ATP8A2: variants seen among roughly 807,000 people sequenced by gnomAD.
ATP8A2 encodes phospholipid-transporting ATPase IB.
Under a neutral mutation model 165.6 loss-of-function variants are expected in ATP8A2, and 100 were observed. The ratio of observed to expected loss-of-function variants is 0.60; its 90% confidence interval spans 0.51 to 0.71. The LOEUF (loss-of-function observed/expected upper bound fraction) is 0.71, where lower values mean the gene tolerates loss of function less well. ATP8A2 is among the 30% of genes least tolerant of loss of function. The pLI is 0.00. For synonymous variants in ATP8A2, 543 were observed against 548.8 expected (o/e 0.99, Z 0.15); for missense variants, 1,227 against 1,479.5 (o/e 0.83, Z 2.80).
chr13:25,647,458 C>T (rs1286608131), intron 24 of ATP8A2, among the ~76,000 whole-genome samples: 2 of 152,108 alleles, frequency 1.3e-5, no homozygotes, highest in African/African-American at 4.8e-5. Context: ...ATAAATTTGC[C>T]AAGATAGTCA....
intron 30 of ATP8A2, among the ~76,000 whole-genome samples, chr13:25,852,895 A>C (rs767715188): frequency 1.1e-4 from 16 of 149,902 alleles, no homozygotes; most frequent in Non-Finnish European, 1.5e-4. Context: ...CAAGAGAGAA[A>C]CTCAGTCTCA....
intron 33 of ATP8A2, among the ~76,000 whole-genome samples, chr13:25,939,209 C>T (rs1954999733): frequency 6.6e-6 from 1 of 152,158 alleles, no homozygotes; most frequent in South Asian, 2.1e-4. Flanking sequence ...CTTTTACCCC[C>T]ATTTTTTGCC....
intron 27 of ATP8A2, among the ~76,000 whole-genome samples, chr13:25,813,054 G>A (rs1196996684): frequency 1.3e-5 from 2 of 152,010 alleles, no homozygotes; most frequent in Non-Finnish European, 2.9e-5. Context: ...CCACACACTG[G>A]GGCCTGTGGG....
chr13:25,973,755 G>T (rs922848968), intron 35 of ATP8A2, among the ~76,000 whole-genome samples: 1 of 152,132 alleles, frequency 6.6e-6, no homozygotes, highest in African/African-American at 2.4e-5. Context: ...TGAGCATGTC[G>T]CTGAGCCAGC....
chr13:25,868,056 C>T (rs1032320179), intron 33 of ATP8A2: 19 of 452,886 alleles, frequency 4.2e-5, no homozygotes, highest in African/African-American at 3.0e-4. Flanking sequence ...GTGTGCTGCC[C>T]GGCCTTGTGG....
intron 24 of ATP8A2, among the ~76,000 whole-genome samples, chr13:25,615,951 G>A (rs1030972142): frequency 6.6e-6 from 1 of 152,014 alleles, no homozygotes; most frequent in Non-Finnish European, 1.5e-5. Context: ...GGATTCTCTC[G>A]ACTCTCCTGG....
rs775442217 is a variant in ATP8A2, at chr13:25,903,133, G to GAAACA, written c.3183+40734_3183+40738dup. On this transcript the variant is annotated intron_variant, in intron 33 of 36. Transcript: ENST00000381655. Reference sequence around the variant, plus strand: ...CTCCGTCTCAAAAACAAAACAAAACGAAACAAAACAAAAAAAATTCCGGTC... The same window carrying GAAACA: ...CTCCGTCTCAAAAACAAAACAAAACGAAACAAAACAAAACAAAAAAAATTCCGGTC... 1.9e-3 allele frequency among the ~76,000 whole-genome samples: 282 copies of GAAACA among 151,908 alleles called. 1 individual carries two copies. Among genetic ancestry groups the GAAACA allele is most frequent in the Admixed American group, 2.6e-3 (40 of 15,242 alleles).
intron 33 of ATP8A2, among the ~76,000 whole-genome samples, chr13:25,914,149 C>A (rs1197702505): frequency 6.6e-6 from 1 of 152,204 alleles, no homozygotes; most frequent in Non-Finnish European, 1.5e-5. Context: ...CCATCTCTTT[C>A]CATCTCATTT....
rs78176904 is a variant in ATP8A2 at position 25,860,300 on chromosome 13, G to T, written c.3018+44G>T. 3.0e-3 allele frequency: 4,055 copies of T among 1,340,852 alleles called. 81 individuals carry two copies. In the African/African-American group the frequency reaches 0.044, roughly 15 times the overall value. The allele number at this position is 1,340,852 out of a possible 1,614,324, so 83.1% of individuals were successfully genotyped here. A position where few individuals can be genotyped will look rare whatever the true frequency, so the allele number is the denominator to read the frequency against. ...ATTAAGCCATTCTTAAACAGCTTAT[G>T]TGTGGCTTGCACTTCTCTAAACCCT... On this transcript the variant is annotated intron_variant, in intron 31 of 36. Transcript: ENST00000381655.
chr13:25,987,398 G>T (rs1956296681), intron 35 of ATP8A2, among the ~76,000 whole-genome samples: 3 of 152,348 alleles, frequency 2.0e-5, no homozygotes, highest in Admixed American at 6.5e-5. Context: ...AAAAGAAAGG[G>T]TTTGCCAGAA....
intron 33 of ATP8A2, among the ~76,000 whole-genome samples, chr13:25,912,865 T>C (rs1954159128): frequency 6.6e-6 from 1 of 152,190 alleles, no homozygotes; most frequent in Non-Finnish European, 1.5e-5. Flanking sequence ...TTTGTGGTTA[T>C]GACAGCCCAA....
chr13:25,863,673 G>A (rs183460005), intron 33 of ATP8A2: 3 of 152,300 alleles, frequency 2.0e-5, no homozygotes, highest in East Asian at 3.9e-4. Context: ...ACCATGTCTA[G>A]CAACTGTTTC....
At position 26,012,582 on chromosome 13, in the gene ATP8A2, G is replaced by T. The variant is rs1450040248; in HGVS notation, c.3429G>T (p.Pro1143=). Residue 1143 remains proline, a synonymous_variant, in exon 36 of 37, where the codon CCG becomes CCT. Transcript: ENST00000381655. ...LIKRLGRKTP[P]TLFRGSSLQQ... The stretch of plus-strand genomic sequence containing the variant: ...AGAGGCTGGGCCGGAAGACGCCCCC[G>T]ACGCTGTTCCGGGGCAGCTCCCTGC... 2 of 1,528,332 alleles carry T rather than the reference G, an allele frequency of 1.3e-6. No individual in the cohort carries two copies. Among genetic ancestry groups the T allele is most frequent in the South Asian group, 2.5e-5 (2 of 80,324 alleles). The allele number at this position is 1,528,332 out of a possible 1,614,324, so 94.7% of individuals were successfully genotyped here.
chr13:25,920,430 C>T (rs1159852711), intron 33 of ATP8A2, among the ~76,000 whole-genome samples: 2 of 152,190 alleles, frequency 1.3e-5, no homozygotes, highest in Admixed American at 6.5e-5. Flanking sequence ...CTAAGCTCGG[C>T]ACTTGTGAAA....
intron 17 of ATP8A2, among the ~76,000 whole-genome samples, chr13:25,571,093 C>T (rs777183750): frequency 5.3e-5 from 8 of 152,166 alleles, no homozygotes; most frequent in Non-Finnish European, 1.0e-4. Flanking sequence ...AAAGGGAGGA[C>T]CCCGGTTATG....
chr13:25,784,652 AG>A (rs745969316), intron 27 of ATP8A2, among the ~76,000 whole-genome samples: 1 of 152,186 alleles, frequency 6.6e-6, no homozygotes, highest in Admixed American at 6.5e-5. Context: ...TTTCCTAAGT[AG>A]CATATTATTT....
chr13:25,872,234 AT>A (rs1203933532), intron 33 of ATP8A2, among the ~76,000 whole-genome samples: 1 of 151,948 alleles, frequency 6.6e-6, no homozygotes, highest in Non-Finnish European at 1.5e-5. Flanking sequence ...CAGTTCAAGG[AT>A]TTTTTACAGA....
intron 1 of ATP8A2, among the ~76,000 whole-genome samples, chr13:25,465,379 T>C (rs1475299197): frequency 6.6e-6 from 1 of 152,120 alleles, no homozygotes; most frequent in Non-Finnish European, 1.5e-5. Flanking sequence ...GTTTTCCCTG[T>C]TGTGGTATAG....
intron 22 of ATP8A2, among the ~76,000 whole-genome samples, chr13:25,580,708 AT>A (rs1435293874): frequency 1.3e-5 from 2 of 151,886 alleles, no homozygotes; most frequent in Non-Finnish European, 2.9e-5. Flanking sequence ...TAAGTTTCAT[AT>A]TTTTTGTAGA....
Sources: allele counts gnomAD v4.1 joint callset (sites outside exome capture counted in the v4.1 genomes callset), GRCh38; gene constraint gnomAD v4.1.1; transcripts MANE v1.5; gene names NCBI Gene and HGNC (gene_info 2026-07-23, HGNC 2026-07-21).